Variants in PPFIA2 observed in about 807,000 individuals in gnomAD.
The protein encoded by PPFIA2 is liprin-alpha-2.
PPFIA2 carries 46 observed loss-of-function variants against 175.5 expected under a neutral mutation model. The observed-to-expected ratio is 0.26, with a 90% confidence interval of 0.21 to 0.34. The LOEUF is 0.34. Ranked by LOEUF, PPFIA2 falls within the 10% of genes least tolerant of loss-of-function variation. PPFIA2 has a pLI of 1.00. For missense variants in PPFIA2, 1,179 were observed against 1,506.1 expected, an observed-to-expected ratio of 0.78 and a Z score of 3.60; for synonymous variants, 568 against 511.4, an observed-to-expected ratio of 1.11 and a Z score of -1.49.
At chr12:81,715,364 T>C (rs574665445) in intron 3 of PPFIA2, among the ~76,000 whole-genome samples, 4 of 151,794 alleles carry the variant, frequency 2.6e-5, no homozygotes, top group Non-Finnish European at 5.9e-5. Flanking sequence ...GAAATCGGTA[T>C]GTGTTCTTAA....
chr12:81,281,259 A>T lies in PPFIA2; in HGVS notation c.3210T>A (p.His1070Gln). The change falls in exon 27 of 33, where the codon CAT (histidine) becomes CAA (glutamine). Residue 1070 changes from histidine to glutamine, a missense_variant and splice_region_variant. Coordinates refer to ENST00000549396, the MANE Select transcript of PPFIA2 (RefSeq NM_003625.5). ...GAAAAAAAAGAAAAAACACCTACCG[A>T]TGGAAACTATCCACCATTTTTAAAT... is the stretch of plus-strand genomic sequence containing the variant. ...RVHLKMVDSF[H>Q]RTSLQYGIMC... The T allele has an allele frequency of 6.3e-7, 1 of 1,584,214 alleles. No homozygotes were observed. The highest frequency in any genetic ancestry group is 8.6e-7 in the Non-Finnish European group (1 of 1,163,680).
intron 3 of PPFIA2, among the ~76,000 whole-genome samples, chr12:81,713,783 T>A (rs1297557674): frequency 4.0e-5 from 6 of 151,232 alleles, no homozygotes; most frequent in Non-Finnish European, 7.4e-5. Flanking sequence ...ATCAAAAAAA[T>A]TGATTGTGTC....
intron 22 of PPFIA2, among the ~76,000 whole-genome samples, chr12:81,305,686 G>A (rs146850109): frequency 1.9e-4 from 29 of 152,172 alleles, no homozygotes; most frequent in East Asian, 7.7e-4. Context: ...GCCGTTCACC[G>A]TATGTACACA....
At position 81,295,162 on chromosome 12, in the gene PPFIA2, T is replaced by G; in HGVS notation, c.2725-127A>C. On this transcript the variant is annotated intron_variant, in intron 23 of 32. Transcript: ENST00000549396. ...CACCCCACGAGATAAAATGTTATCA[T>G]TATTTTCCCTAGAGGACATAGATGC... 5 of 856,514 alleles carry G rather than the reference T, an allele frequency of 5.8e-6. No homozygotes were observed. The South Asian group carries it at 8.8e-5, about 15-fold the overall frequency. 53.1% of individuals were successfully genotyped at this position (856,514 alleles called of 1,614,324 possible).
intron 28 of PPFIA2, among the ~76,000 whole-genome samples, chr12:81,269,396 A>C (rs904951219): frequency 6.6e-6 from 1 of 152,226 alleles, no homozygotes; most frequent in Non-Finnish European, 1.5e-5. Context: ...CTTTCAGACA[A>C]AGTATAAAAA....
intron 4 of PPFIA2, among the ~76,000 whole-genome samples, chr12:81,605,788 A>G (rs1375723778): frequency 6.6e-6 from 1 of 151,826 alleles, no homozygotes; most frequent in Non-Finnish European, 1.5e-5. Flanking sequence ...CATGAGTTCT[A>G]CAATATGTAG....
At chr12:81,410,001 G>A (rs1177367645) in intron 7 of PPFIA2, among the ~76,000 whole-genome samples, 1 of 152,092 alleles carries the variant, frequency 6.6e-6, no homozygotes, top group African/African-American at 2.4e-5. Flanking sequence ...GTCTTTAGGA[G>A]ACGATAAATG....
chr12:81,559,014 A>T (rs1400552372), intron 4 of PPFIA2, among the ~76,000 whole-genome samples: 1 of 152,148 alleles, frequency 6.6e-6, no homozygotes, highest in Non-Finnish European at 1.5e-5. Flanking sequence ...TATTTTCTTA[A>T]ATTCATTTCA....
chr12:81,356,808 A>G (rs755610616), intron 16 of PPFIA2, among the ~76,000 whole-genome samples: 1 of 151,766 alleles, frequency 6.6e-6, no homozygotes, highest in Non-Finnish European at 1.5e-5. Context: ...AAAACTGACA[A>G]ACAAACAAAC....
At chr12:81,477,132 A>G (rs1318652488) in intron 4 of PPFIA2, among the ~76,000 whole-genome samples, 1 of 152,086 alleles carries the variant, frequency 6.6e-6, no homozygotes, top group African/African-American at 2.4e-5. Context: ...TGATGGGTTG[A>G]TGGGGGCAGC....
chr12:81,616,555 A>G (rs2061440056), intron 4 of PPFIA2, among the ~76,000 whole-genome samples: 1 of 152,170 alleles, frequency 6.6e-6, no homozygotes, highest in Admixed American at 6.5e-5. Context: ...GGAAATGTAA[A>G]CACCTAAAAT....
At chr12:81,477,859 ATTTT>A (rs201397878) in intron 4 of PPFIA2, among the ~76,000 whole-genome samples, 3 of 146,432 alleles carry the variant, frequency 2.0e-5, no homozygotes, top group African/African-American at 7.5e-5. Context: ...TTGGCCTGAA[ATTTT>A]TTTTTTTTTT....
At chr12:81,340,210 C>T (rs573246764) in intron 20 of PPFIA2, among the ~76,000 whole-genome samples, 2 of 152,072 alleles carry the variant, frequency 1.3e-5, no homozygotes, top group African/African-American at 2.4e-5. Flanking sequence ...GCTGAAGTAA[C>T]TGATTTTTCC....
At chr12:81,320,860 A>G (rs1290081089) in intron 22 of PPFIA2, among the ~76,000 whole-genome samples, 1 of 152,082 alleles carries the variant, frequency 6.6e-6, no homozygotes, top group African/African-American at 2.4e-5. Flanking sequence ...AGAAGTTTCT[A>G]TAAGACTAAG....
chr12:81,565,225 C>T (rs1165577758), intron 4 of PPFIA2, among the ~76,000 whole-genome samples: 2 of 152,164 alleles, frequency 1.3e-5, no homozygotes, highest in African/African-American at 4.8e-5. Flanking sequence ...GATGACCTCC[C>T]CTGAGGCAGT....
chr12:81,607,193 C>A (rs923396643), intron 4 of PPFIA2, among the ~76,000 whole-genome samples: 7 of 152,058 alleles, frequency 4.6e-5, no homozygotes, highest in Non-Finnish European at 5.9e-5. Flanking sequence ...CAATACCATG[C>A]TGTTTTGGTT....
intron 21 of PPFIA2, among the ~76,000 whole-genome samples, chr12:81,328,134 G>A (rs1425816966): frequency 6.6e-6 from 1 of 152,092 alleles, no homozygotes; most frequent in East Asian, 1.9e-4. Context: ...CTCATCTAAT[G>A]TTTATCTTTC....
At chr12:81,335,333 T>C (rs572439029) in intron 21 of PPFIA2, among the ~76,000 whole-genome samples, 25 of 152,326 alleles carry the variant, frequency 1.6e-4, no homozygotes, top group African/African-American at 6.0e-4. Flanking sequence ...AGGATGCTAT[T>C]ACATCCTGAA....
At chr12:81,539,441 T>A (rs1483177412) in intron 4 of PPFIA2, among the ~76,000 whole-genome samples, 1 of 151,890 alleles carries the variant, frequency 6.6e-6, no homozygotes, top group East Asian at 1.9e-4. Flanking sequence ...GCAATGAAAT[T>A]TGAGAAGAAA....
Sources: gnomAD v4.1 joint callset for allele counts (sites outside exome capture counted in the v4.1 genomes callset) on GRCh38, gnomAD v4.1.1 for gene constraint, MANE v1.5 for transcripts, NCBI Gene and HGNC (gene_info 2026-07-23, HGNC 2026-07-21) for gene names.